NUP210: variants seen among roughly 807,000 people sequenced by gnomAD.
The protein encoded by NUP210 is nuclear pore membrane glycoprotein 210.
In NUP210, 151 loss-of-function variants were observed where a neutral mutation model predicts 196.0. The observed-to-expected ratio is 0.77, with a 90% CI of 0.67 to 0.88. NUP210 has a LOEUF of 0.88. Ranked by LOEUF, NUP210 falls within the 40% of genes least tolerant of loss-of-function variation. The probability of loss-of-function intolerance (pLI) is 0.00; values close to 1 mark genes in which losing one functional copy is unlikely to be tolerated. For synonymous variants in NUP210, 1,070 were observed against 1,052.7 expected, an observed-to-expected ratio of 1.02 and a Z score of -0.32; for missense variants, 2,314 against 2,493.7, an observed-to-expected ratio of 0.93 and a Z score of 1.53.
chr3:13,352,016 T>G (rs1697992930), intron 19 of NUP210, 36 bp from the exon 20 acceptor site: 2 of 1,605,490 alleles, frequency 1.2e-6, no homozygotes, highest in Non-Finnish European at 1.7e-6. Flanking sequence ...TTGGGCCGCA[T>G]GTGGGAGGGC....
intron 6 of NUP210, among the ~76,000 whole-genome samples, chr3:13,384,544 G>A (rs1699212193): frequency 6.6e-6 from 1 of 152,142 alleles, no homozygotes; most frequent in South Asian, 2.1e-4. Context: ...AGATCAGACT[G>A]GTCAACATAG....
rs750381128 is a variant in NUP210 at position 13,319,385 on chromosome 3, C to T, written c.5384-60G>A. The T allele has an allele frequency of 5.2e-4, 714 of 1,360,134 alleles. 1 individual carries two copies. The highest frequency in any genetic ancestry group is 6.8e-4 in the Non-Finnish European group (655 of 968,790). 84.3% of individuals were successfully genotyped at this position (1,360,134 alleles called of 1,614,324 possible). ...CCAGGCCCACTGTGGCATCCCATCACGTTCCTGCCCTACTGTACGTCTACA... is the reference window on the plus strand; with the variant it reads ...CCAGGCCCACTGTGGCATCCCATCATGTTCCTGCCCTACTGTACGTCTACA... On this transcript the variant is annotated intron_variant, in intron 37 of 39. Transcript: ENST00000254508.
intron 1 of NUP210, among the ~76,000 whole-genome samples, chr3:13,419,707 C>T (rs1355705197): frequency 6.6e-6 from 1 of 152,162 alleles, no homozygotes; most frequent in Non-Finnish European, 1.5e-5. Context: ...GCTGCCCCGG[C>T]GCCCCCTCCC....
intron 3 of NUP210, among the ~76,000 whole-genome samples, chr3:13,395,664 C>T (rs933105028): frequency 6.6e-6 from 1 of 152,078 alleles, no homozygotes; most frequent in African/African-American, 2.4e-5. Flanking sequence ...TTGCAGGGGT[C>T]GACCGTGTTT....
At position 13,397,440 on chromosome 3, in the gene NUP210, T is replaced by C. The variant is rs1699697024; in HGVS notation, c.353A>G (p.Asp118Gly). Residue 118 changes from aspartate to glycine, a missense_variant, in exon 3 of 40, where the codon GAC becomes GGC. By Grantham distance (94) the Asp-to-Gly change is moderately conservative. Transcript: ENST00000254508. ...GCGGGTGGTGGAGACGATCTGGATG[T>C]CATGGATGAGGTCCACAATGGCATC... ...RCDAIVDLIH[D>G]IQIVSTTREL... The C allele has an allele frequency of 1.2e-6, 2 of 1,612,932 alleles. No individual in the cohort carries two copies. The highest frequency in any genetic ancestry group is 1.7e-6 in the Non-Finnish European group (2 of 1,179,548).
At position 13,365,978 on chromosome 3, in the gene NUP210, T is replaced by G; in HGVS notation, c.1900A>C (p.Lys634Gln). The change falls in exon 14 of 40, where the codon AAG becomes CAG. Residue 634 changes from lysine to glutamine, a missense_variant. Coordinates refer to ENST00000254508, the MANE Select transcript of NUP210 (RefSeq NM_024923.4). ...GGCAGGTAGGCAGCAATGGTGATCTTGGCACTCAGGTGGACGTGGCCGTGT... is the reference window on the plus strand; with the variant it reads ...GGCAGGTAGGCAGCAATGGTGATCTGGGCACTCAGGTGGACGTGGCCGTGT... ...YRHGHVHLSA[K>Q]ITIAAYLPLK... The G allele has an allele frequency of 6.2e-7, 1 of 1,614,188 alleles. No individual in the cohort carries two copies. Among genetic ancestry groups the G allele is most frequent in the Non-Finnish European group, 8.5e-7 (1 of 1,180,010 alleles).
At chr3:13,409,533 A>G (rs1399598393) in intron 1 of NUP210, among the ~76,000 whole-genome samples, 2 of 152,228 alleles carry the variant, frequency 1.3e-5, no homozygotes, top group African/African-American at 4.8e-5. Context: ...AGAGTGAAAC[A>G]TATCATGAAC....
At position 13,405,439 on chromosome 3, in the gene NUP210, A is replaced by T. The variant is rs113401961; in HGVS notation, c.168-5578T>A. Among the ~76,000 whole-genome samples, 191 of 152,294 alleles carry T rather than the reference A, an allele frequency of 1.3e-3. 1 individual carries two copies. Among genetic ancestry groups the T allele is most frequent in the African/African-American group, 4.2e-3 (175 of 41,560 alleles). On this transcript the variant is annotated intron_variant, in intron 1 of 39. Coordinates refer to ENST00000254508, the MANE Select transcript of NUP210 (RefSeq NM_024923.4). ...CTGAATGCAGCTCTTAGGACTTGTC[A>T]GCCTCTATAATCATATAAGCTAATC...
Position 13,321,777 on chromosome 3 carries a change from C to T in NUP210, c.4974G>A (p.Leu1658=), listed in dbSNP as rs1269747629. Residue 1658 remains leucine, a synonymous_variant, in exon 36 of 40, where the codon CTG becomes CTA. Transcript: ENST00000254508. ...CCACCAGAGCTGTCTTCTTCATGCT[C>T]AGGTGCTTCCGCTGCTTGTCCGTCA... ...HRLTDKQRKH[L]SMKKTALVVS... The T allele has an allele frequency of 6.2e-7, 1 of 1,612,480 alleles. No individual in the cohort carries two copies. The highest frequency in any genetic ancestry group is 1.1e-5 in the South Asian group (1 of 91,078).
Position 13,328,817 on chromosome 3 carries a change from C to T in NUP210, c.4240G>A (p.Asp1414Asn). The part of the protein sequence containing the change: ...FTVHFHDNSG[D>N]VFHAHSSVLN... ...ACCGAACTGTGAGCATGGAAGACATCTCCAGAGTTGTCGTGGAAGTGGACA... is the reference window on the plus strand; with the variant it reads ...ACCGAACTGTGAGCATGGAAGACATTTCCAGAGTTGTCGTGGAAGTGGACA... Residue 1414 changes from aspartate (D) to asparagine (N), a missense_variant, in exon 31 of 40, where the codon GAT becomes AAT. Transcript: ENST00000254508. 2 of 1,614,176 alleles carry T rather than the reference C, an allele frequency of 1.2e-6. No homozygotes were observed. Among genetic ancestry groups the T allele is most frequent in the South Asian group, 1.1e-5 (1 of 91,082 alleles).
chr3:13,352,678 T>C (rs1698020448), intron 18 of NUP210, among the ~76,000 whole-genome samples: 1 of 152,146 alleles, frequency 6.6e-6, no homozygotes, highest in Non-Finnish European at 1.5e-5. Flanking sequence ...GCCACCCAGA[T>C]CTGAGGCCCC....
Position 13,348,118 on chromosome 3 carries a change from C to T in NUP210, c.2835+3761G>A, listed in dbSNP as rs1697822297. On this transcript the variant is annotated intron_variant, in intron 20 of 39. Transcript: ENST00000254508. This position sits in a 1 kb window ranked among gnomAD's most constrained non-coding sequence, Gnocchi z 4.0. ...TCAGAAAGAGAGTGCCAGAGCTCCC[C>T]TGTGGCCACCTGTAAAACAGAACTG... 6.6e-6 allele frequency among the ~76,000 whole-genome samples: 1 copy of T among 152,224 alleles called. No homozygotes were observed. Among genetic ancestry groups the T allele is most frequent in the South Asian group, 2.1e-4 (1 of 4,834 alleles).
intron 1 of NUP210, among the ~76,000 whole-genome samples, chr3:13,418,139 C>T (rs768281419): frequency 6.1e-4 from 93 of 152,340 alleles, no homozygotes; most frequent in Admixed American, 4.6e-3. Flanking sequence ...TTTTCCCACA[C>T]AAGACTAGGC....
chr3:13,324,981 C>T (rs1040160388), intron 33 of NUP210, among the ~76,000 whole-genome samples: 14 of 152,230 alleles, frequency 9.2e-5, no homozygotes, highest in African/African-American at 3.4e-4. Flanking sequence ...ATTGCTCAGT[C>T]ATAGCCTCGC....
rs1697900565 is a variant in NUP210, at chr3:13,349,726, AT to A, written c.2835+2152del. Among the ~76,000 whole-genome samples, 3 of 152,362 alleles carry A rather than the reference AT, an allele frequency of 2.0e-5. No individual in the cohort carries two copies. The South Asian group carries it at 6.2e-4, about 32-fold the overall frequency. On this transcript the variant is annotated intron_variant, in intron 20 of 39. Coordinates refer to ENST00000254508, the MANE Select transcript of NUP210 (RefSeq NM_024923.4). ...AGTTGCTCCTGAAGGAACTGACTTC[AT>A]GCGCAACAGAGCTCGGAGAAGTCCA...
At chr3:13,327,978 G>A (rs563402212) in intron 31 of NUP210, among the ~76,000 whole-genome samples, 9 of 152,358 alleles carry the variant, frequency 5.9e-5, no homozygotes, top group Admixed American at 3.3e-4. Context: ...CAGCTTTGGT[G>A]CAGAAGTGTG....
intron 26 of NUP210, among the ~76,000 whole-genome samples, chr3:13,337,448 C>T (rs770545163): frequency 1.8e-4 from 28 of 152,224 alleles, no homozygotes; most frequent in Non-Finnish European, 2.9e-4. Context: ...GCCCTGGGCA[C>T]GGGTCTTAAG....
At chr3:13,418,369 G>T (rs1005668741) in intron 1 of NUP210, among the ~76,000 whole-genome samples, 1 of 152,094 alleles carries the variant, frequency 6.6e-6, no homozygotes, top group Non-Finnish European at 1.5e-5. Flanking sequence ...GAGGCGGCGG[G>T]ATCACTTGAG....
At chr3:13,339,171 G>A (rs769170430) in intron 25 of NUP210, among the ~76,000 whole-genome samples, 14 of 152,196 alleles carry the variant, frequency 9.2e-5, no homozygotes, top group Non-Finnish European at 1.2e-4. Context: ...ATCACAGTCA[G>A]CCTCTGAGAA....
Sources: allele counts gnomAD v4.1 joint callset (sites outside exome capture counted in the v4.1 genomes callset), GRCh38; gene constraint gnomAD v4.1.1; non-coding constraint Gnocchi (gnomAD v3.1); transcripts MANE v1.5; gene names NCBI Gene and HGNC (gene_info 2026-07-23, HGNC 2026-07-21).